Variants in ADAT1 observed in about 807,000 individuals in gnomAD.
The protein encoded by ADAT1 is adenosine deaminase tRNA specific 1, also known as tRNA-specific adenosine deaminase 1.
ADAT1 carries 58 observed loss-of-function variants against 58.6 expected under a neutral mutation model. The observed-to-expected ratio is 0.99, with a 90% CI of 0.80 to 1.23. ADAT1 has a LOEUF of 1.23. Among genes scored for constraint, ADAT1 ranks in the 50% most tolerant of loss-of-function variants. The probability of loss-of-function intolerance (pLI) is 0.00; values close to 1 mark genes in which losing one functional copy is unlikely to be tolerated. For synonymous variants in ADAT1, 254 were observed against 220.8 expected, an observed-to-expected ratio of 1.15 and a Z score of -1.33; for missense variants, 741 against 608.6, an observed-to-expected ratio of 1.22 and a Z score of -2.29.
chr16:75,602,720 T>C (rs1430207213), intron 9 of ADAT1, among the ~76,000 whole-genome samples: 1 of 152,204 alleles, frequency 6.6e-6, no homozygotes, highest in Non-Finnish European at 1.5e-5. Context: ...ATTTAAGTCA[T>C]GGAGCTGCAA....
intron 8 of ADAT1, among the ~76,000 whole-genome samples, chr16:75,607,873 G>C (rs900023968): frequency 1.3e-5 from 2 of 152,160 alleles, no homozygotes; most frequent in African/African-American, 4.8e-5. Flanking sequence ...ACAAAATGTG[G>C]TATATCCACA....
At position 75,598,828 on chromosome 16, in the gene ADAT1, T is replaced by C. The variant is rs2081142969; in HGVS notation, c.*1388A>G. 2 of 944,800 alleles carry C rather than the reference T, an allele frequency of 2.1e-6. No homozygotes were observed. The highest frequency in any genetic ancestry group is 2.5e-6 in the Non-Finnish European group (2 of 793,332). 58.5% of individuals were successfully genotyped at this position (944,800 alleles called of 1,614,324 possible). ...GCCACCGTGCCCGGCCTAAAAACTT[T>C]TAAAATGTATACTTTAGTTGGGTGA... On this transcript the variant is annotated 3_prime_UTR_variant, in exon 10 of 10. Coordinates refer to ENST00000564657, the MANE Select transcript of ADAT1 (RefSeq NM_001324445.2).
chr16:75,618,122 A>AG lies in ADAT1; in HGVS notation c.293+463_293+464insC, dbSNP rs1597137487. The stretch of plus-strand genomic sequence containing the variant: ...CCAAAAAAAAAAAAAAAAAAAAAAA[A>AG]AAGAGAGAACCACTAGTCTAGACCA... On this transcript the variant is annotated intron_variant, in intron 4 of 9. Transcript: ENST00000564657. 6.8e-5 allele frequency among the ~76,000 whole-genome samples: 10 copies of AG among 147,398 alleles called. 1 individual carries two copies. In the East Asian group the frequency reaches 1.1e-3, roughly 16 times the overall value.
At chr16:75,603,279 G>T in intron 8 of ADAT1, 108 bp from the exon 9 acceptor site, 1 of 919,172 alleles carries the variant, frequency 1.1e-6, no homozygotes, top group Non-Finnish European at 1.7e-6. Flanking sequence ...AGGTGCCAGA[G>T]CCCCTCATTT....
intron 9 of ADAT1, among the ~76,000 whole-genome samples, chr16:75,600,588 T>G (rs1168996906): frequency 2.6e-5 from 4 of 152,222 alleles, no homozygotes. Context: ...GCTCCAAGAA[T>G]GCATTCTCTG....
rs2081760130 is a variant in ADAT1, at chr16:75,617,201, T to G, written c.365A>C (p.Lys122Thr). The part of the protein sequence containing the change: ...EDSIFVPGTQ[K>T]GVWKLRRDLI... ...GTCTCGTCTAAGTTTCCACACTCCT[T>G]TTTGAGTTCCTGGGACAAAGATGCT... Residue 122 changes from lysine (K) to threonine (T), a missense_variant, in exon 5 of 10, where the codon AAA becomes ACA. Coordinates refer to ENST00000564657, the MANE Select transcript of ADAT1 (RefSeq NM_001324445.2). The G allele has an allele frequency of 6.2e-7, 1 of 1,613,840 alleles. No homozygotes were observed. The highest frequency in any genetic ancestry group is 8.5e-7 in the Non-Finnish European group (1 of 1,179,878).
At chr16:75,608,699 C>T (rs2081434404) in intron 7 of ADAT1, 144 bp downstream of exon 7, 3 of 967,764 alleles carry the variant, frequency 3.1e-6, no homozygotes, top group Admixed American at 2.9e-5. Context: ...TAAACGTGAC[C>T]CACTATGGGT....
rs552051552 is a variant in ADAT1 at position 75,613,920 on chromosome 16, G to A, written c.425-1059C>T. Among the ~76,000 whole-genome samples the A allele has an allele frequency of 4.6e-5, 7 of 152,168 alleles. No individual in the cohort carries two copies. In the South Asian group the frequency reaches 1.0e-3, roughly 23 times the overall value. On this transcript the variant is annotated intron_variant, in intron 5 of 9. Coordinates refer to ENST00000564657, the MANE Select transcript of ADAT1 (RefSeq NM_001324445.2). ...TAAAGAAATTTGGCAGGCAGGGTGC[G>A]GTGGCTCATGCCTGTAATCCCAGCA... is the stretch of plus-strand genomic sequence containing the variant.
At chr16:75,603,206 A>C (rs1457990283) in intron 8 of ADAT1, 35 bp from the exon 9 acceptor site, 7 of 1,574,190 alleles carry the variant, frequency 4.4e-6, no homozygotes, top group Non-Finnish European at 6.1e-6. Context: ...TGATTTATTA[A>C]GTGTTTAGTA....
chr16:75,602,085 G>T (rs571040338), intron 9 of ADAT1: 4 of 151,990 alleles, frequency 2.6e-5, no homozygotes. Context: ...GGATGATACC[G>T]GCCATGCCAG....
chr16:75,612,411 T>C lies in ADAT1; in HGVS notation c.875A>G (p.Asp292Gly), dbSNP rs1222009330. The C allele has an allele frequency of 2.5e-6, 4 of 1,614,186 alleles. No individual in the cohort carries two copies. The highest frequency in any genetic ancestry group is 4.5e-5 in the East Asian group (2 of 44,870). The change falls in exon 6 of 10, where the codon GAC (aspartate) becomes GGC (glycine). Residue 292 changes from aspartate (D) to glycine (G), a missense_variant. By Grantham distance (94) the Asp-to-Gly change is moderately conservative. Transcript: ENST00000564657. ...GLLRVKPGRG[D>G]RTRSMSCSDK... is the part of the protein sequence containing the mutation. ...ACTACAGGACATGGAGCGTGTTCTG[T>C]CTCCACGGCCTGGCTTCACTCGGAG...
chr16:75,604,021 C>T (rs755133883), intron 8 of ADAT1, among the ~76,000 whole-genome samples: 22 of 152,158 alleles, frequency 1.4e-4, no homozygotes, highest in Non-Finnish European at 5.9e-5. Context: ...AGACACTGCT[C>T]TCCCAGGGCC....
intron 2 of ADAT1, 21 bp from the exon 3 acceptor site, chr16:75,620,355 G>A (rs1313909648): frequency 3.1e-6 from 5 of 1,612,846 alleles, no homozygotes; most frequent in East Asian, 2.2e-5. Context: ...AAAACAAATC[G>A]TGTGAGTTCT....
chr16:75,604,474 T>TATATACACAC (rs1324943206), intron 8 of ADAT1, among the ~76,000 whole-genome samples: 15 of 54,016 alleles, frequency 2.8e-4, no homozygotes, highest in Admixed American at 3.8e-4. Flanking sequence ...TATATATATA[T>TATATACACAC]ACACACACAC....
At position 75,598,511 on chromosome 16, in the gene ADAT1, T is replaced by TA. The variant is rs1213614880; in HGVS notation, c.*1704dup. Among the ~76,000 whole-genome samples, 9 of 149,592 alleles carry TA rather than the reference T, an allele frequency of 6.0e-5. No individual in the cohort carries two copies. The highest frequency in any genetic ancestry group is 2.1e-4 in the South Asian group (1 of 4,752). ...TGGTTGCACAACTCTGTGGATATAC[T>TA]AAAAAAATTTTTTTTTTTTTTTTTT... On this transcript the variant is annotated 3_prime_UTR_variant, in exon 10 of 10. Coordinates refer to ENST00000564657, the MANE Select transcript of ADAT1 (RefSeq NM_001324445.2).
At chr16:75,615,906 C>A (rs375269309) in intron 5 of ADAT1, among the ~76,000 whole-genome samples, 4 of 152,112 alleles carry the variant, frequency 2.6e-5, no homozygotes, top group African/African-American at 9.7e-5. Context: ...AGGGCCCTTA[C>A]GGCTAAGAAA....
At chr16:75,602,688 T>C (rs1315029020) in intron 9 of ADAT1, among the ~76,000 whole-genome samples, 1 of 152,172 alleles carries the variant, frequency 6.6e-6, no homozygotes, top group Non-Finnish European at 1.5e-5. Flanking sequence ...TTAAAGTTCT[T>C]TGAATTTTTG....
At chr16:75,618,696 T>C in intron 3 of ADAT1, 56 bp from the exon 4 acceptor site, 2 of 1,600,024 alleles carry the variant, frequency 1.2e-6, no homozygotes, top group South Asian at 2.2e-5. Flanking sequence ...GAGGGTCTGG[T>C]TCCTAGAAGC....
Position 75,597,829 on chromosome 16 carries a change from T to C in ADAT1, c.*2387A>G, listed in dbSNP as rs1017950078. Among the ~76,000 whole-genome samples the C allele has an allele frequency of 6.6e-6, 1 of 152,130 alleles. No individual in the cohort carries two copies. Among genetic ancestry groups the C allele is most frequent in the East Asian group, 1.9e-4 (1 of 5,188 alleles). ...TATGAGAATCTAATGCCACTGCTGG[T>C]ATGACAGGAGGAGGAGCTACGGCAG... On this transcript the variant is annotated 3_prime_UTR_variant, in exon 10 of 10. Coordinates refer to ENST00000564657, the MANE Select transcript of ADAT1 (RefSeq NM_001324445.2).
Sources: allele counts gnomAD v4.1 joint callset (sites outside exome capture counted in the v4.1 genomes callset), GRCh38; gene constraint gnomAD v4.1.1; transcripts MANE v1.5; gene names NCBI Gene and HGNC (gene_info 2026-07-23, HGNC 2026-07-21).